Variants in ADAMTS20 observed in about 807,000 individuals in gnomAD.
ADAMTS20 encodes the protein A disintegrin and metalloproteinase with thrombospondin motifs 20.
In ADAMTS20, 225 loss-of-function variants were observed where a neutral mutation model predicts 260.1. That is an observed-to-expected ratio of 0.87 (90% CI 0.78 to 0.97). The LOEUF (loss-of-function observed/expected upper bound fraction) is 0.97, where lower values mean the gene tolerates loss of function less well. ADAMTS20 is among the 50% of genes least tolerant of loss of function. The pLI is 0.00. For synonymous variants in ADAMTS20, 802 were observed against 769.5 expected (o/e 1.04, Z -0.70); for missense variants, 2,400 against 2,337.7 (o/e 1.03, Z -0.55).
intron 3 of ADAMTS20, among the ~76,000 whole-genome samples, chr12:43,512,210 C>A (rs11182122): frequency 0.079 from 11,786 of 149,270 alleles, 950 homozygotes; most frequent in East Asian, 0.46. Flanking sequence ...TAATAATAAT[C>A]ATAATTTTAT....
At chr12:43,520,429 C>A (rs529284047) in intron 3 of ADAMTS20, among the ~76,000 whole-genome samples, 1 of 151,946 alleles carries the variant, frequency 6.6e-6, no homozygotes. Flanking sequence ...AAACCAGTAA[C>A]AACCAAGAAG....
Position 43,440,025 on chromosome 12 carries a change from G to A in ADAMTS20, c.2335C>T (p.Leu779Phe). ...ATTTCTTTTTTTGACGTACTTAGAAGAAAATTTCCATTGAAAAGAAAATTC... is the reference window on the plus strand; with the variant it reads ...ATTTCTTTTTTTGACGTACTTAGAAAAAAATTTCCATTGAAAAGAAAATTC... ...EGNFLFNGNFLLSTSKKEINV... is the reference protein window; with the variant it reads ...EGNFLFNGNFFLSTSKKEINV... Residue 779 changes from leucine to phenylalanine, a missense_variant, in exon 17 of 39, where the codon CTT (leucine) becomes TTT (phenylalanine). Leu to Phe is a conservative substitution (Grantham distance 22, BLOSUM62 0). Coordinates refer to ENST00000389420, the MANE Select transcript of ADAMTS20 (RefSeq NM_025003.5). The A allele has an allele frequency of 6.4e-7, 1 of 1,565,216 alleles. No homozygotes were observed. The highest frequency in any genetic ancestry group is 8.7e-7 in the Non-Finnish European group (1 of 1,153,848).
At chr12:43,550,888 A>C (rs367791048) in intron 2 of ADAMTS20, 21 bp downstream of exon 2, 1 of 1,508,794 alleles carries the variant, frequency 6.6e-7, no homozygotes, top group Non-Finnish European at 8.9e-7. Flanking sequence ...AGAAAATGCC[A>C]AGGGACCCGA....
chr12:43,518,778 A>T (rs1168059966), intron 3 of ADAMTS20, among the ~76,000 whole-genome samples: 1 of 149,520 alleles, frequency 6.7e-6, no homozygotes, highest in Non-Finnish European at 1.5e-5. Flanking sequence ...AGACTTCCTC[A>T]TCTTAGTAAA....
chr12:43,488,090 T>C (rs1229181311), intron 7 of ADAMTS20, among the ~76,000 whole-genome samples: 4 of 152,114 alleles, frequency 2.6e-5, no homozygotes, highest in African/African-American at 9.7e-5. Context: ...TTTTTTGTTT[T>C]TGTGTTGTTG....
intron 7 of ADAMTS20, among the ~76,000 whole-genome samples, chr12:43,482,825 A>G (rs1045861969): frequency 5.9e-5 from 9 of 152,312 alleles, no homozygotes; most frequent in Admixed American, 4.6e-4. Context: ...TAACTGCTGT[A>G]CTTTTGAAAG....
In ADAMTS20 at chr12:43,359,516, A is replaced by G. The variant is rs1939823166; in HGVS notation, c.5539-2928T>C. ...ACGGAGAGTTGATTCTAAAATTTAT[A>G]TAGAAAGGCTATGGATTTAAATAGT... is the stretch of plus-strand genomic sequence containing the variant. On this transcript the variant is annotated intron_variant, in intron 37 of 38. Coordinates refer to ENST00000389420, the MANE Select transcript of ADAMTS20 (RefSeq NM_025003.5). Among the ~76,000 whole-genome samples the G allele has an allele frequency of 3.3e-5, 5 of 152,362 alleles. No homozygotes were observed. The South Asian group carries it at 1.0e-3, about 32-fold the overall frequency.
intron 28 of ADAMTS20, among the ~76,000 whole-genome samples, chr12:43,412,706 C>T (rs1941054209): frequency 6.6e-6 from 1 of 151,974 alleles, no homozygotes; most frequent in South Asian, 2.1e-4. Context: ...TGATTATCTT[C>T]CCTATTTCTA....
At position 43,493,205 on chromosome 12, in the gene ADAMTS20, C is replaced by A. The variant is rs557564189; in HGVS notation, c.916G>T (p.Val306Leu). 21 of 1,562,898 alleles carry A rather than the reference C, an allele frequency of 1.3e-5. No individual in the cohort carries two copies. The South Asian group carries it at 2.5e-4, about 18-fold the overall frequency. ...DPSIGNLIHI[V>L]VVKLVMIHRE... ...TGAATCATAACTAATTTTACCACTA[C>A]TATGTGTATCAAATTTCCAATACTT... The change falls in exon 5 of 39, where the codon GTA (valine) becomes TTA (leucine). Residue 306 changes from valine (V) to leucine (L), a missense_variant. Transcript: ENST00000389420.
intron 37 of ADAMTS20, among the ~76,000 whole-genome samples, chr12:43,358,829 T>G (rs1439606805): frequency 1.4e-4 from 13 of 93,628 alleles, no homozygotes; most frequent in Non-Finnish European, 5.8e-5. Context: ...AGAGCGAAAC[T>G]CCGTCTCAAA....
chr12:43,373,670 C>CTT (rs71091149), intron 36 of ADAMTS20, among the ~76,000 whole-genome samples: 59 of 71,306 alleles, frequency 8.3e-4, no homozygotes, highest in Non-Finnish European at 9.5e-4. Flanking sequence ...AATATCATCT[C>CTT]TTTTTTTTTT....
At chr12:43,534,753 C>T (rs893576039) in intron 2 of ADAMTS20, among the ~76,000 whole-genome samples, 1 of 152,174 alleles carries the variant, frequency 6.6e-6, no homozygotes, top group Non-Finnish European at 1.5e-5. Flanking sequence ...TACTTCACTA[C>T]TATTGCATAA....
intron 4 of ADAMTS20, among the ~76,000 whole-genome samples, chr12:43,501,479 G>GCACACA (rs746038595): frequency 0.074 from 4,965 of 66,948 alleles, 276 homozygotes; most frequent in African/African-American, 0.18. Context: ...GCGCGCGCGC[G>GCACACA]CGCACACACA....
chr12:43,401,271 A>G (rs1940804523), intron 28 of ADAMTS20, among the ~76,000 whole-genome samples: 1 of 151,982 alleles, frequency 6.6e-6, no homozygotes, highest in African/African-American at 2.4e-5. Context: ...TGACTTATCT[A>G]GACATTGTCC....
intron 6 of ADAMTS20, among the ~76,000 whole-genome samples, chr12:43,491,136 T>C (rs1226705975): frequency 3.3e-5 from 5 of 152,182 alleles, no homozygotes; most frequent in Admixed American, 3.3e-4. Flanking sequence ...TATAAGATTA[T>C]AATACCATAT....
intron 18 of ADAMTS20, among the ~76,000 whole-genome samples, chr12:43,435,964 G>A (rs1210729029): frequency 2.6e-5 from 4 of 152,048 alleles, no homozygotes; most frequent in African/African-American, 9.7e-5. Flanking sequence ...TTTTATCAAA[G>A]TTCAACTTTG....
At position 43,492,610 on chromosome 12, in the gene ADAMTS20, A is replaced by G. The variant is rs373838254; in HGVS notation, c.971T>C (p.Phe324Ser). 2.4e-5 allele frequency: 39 copies of G among 1,613,848 alleles called. No individual in the cohort carries two copies. Among genetic ancestry groups the G allele is most frequent in the Non-Finnish European group, 2.9e-5 (34 of 1,179,826 alleles). The change falls in exon 6 of 39, where the codon TTT (phenylalanine) becomes TCT (serine). Residue 324 changes from phenylalanine to serine, a missense_variant. Coordinates refer to ENST00000389420, the MANE Select transcript of ADAMTS20 (RefSeq NM_025003.5). The stretch of plus-strand genomic sequence containing the variant: ...GTTCTTTAATGTGGTAGCACCATCA[A>G]AATTAATGACTGGTCCTTCCTATGC... ...HREEEGPVINFDGATTLKNFC... is the reference protein window; with the variant it reads ...HREEEGPVINSDGATTLKNFC...
chr12:43,410,463 T>C (rs948503700), intron 28 of ADAMTS20, among the ~76,000 whole-genome samples: 1 of 152,206 alleles, frequency 6.6e-6, no homozygotes, highest in Non-Finnish European at 1.5e-5. Flanking sequence ...TGAAGAGTTG[T>C]GTAAGAAAGG....
chr12:43,366,329 G>T (rs1939985389), intron 37 of ADAMTS20, among the ~76,000 whole-genome samples: 1 of 151,596 alleles, frequency 6.6e-6, no homozygotes, highest in Non-Finnish European at 1.5e-5. Context: ...CAAAATAAAT[G>T]AAACAAAACA....
Sources: allele counts gnomAD v4.1 joint callset (sites outside exome capture counted in the v4.1 genomes callset), GRCh38; gene constraint gnomAD v4.1.1; transcripts MANE v1.5; gene names NCBI Gene and HGNC (gene_info 2026-07-23, HGNC 2026-07-21).